Variants in SNTG1 observed in about 807,000 individuals in gnomAD.
SNTG1 encodes the protein syntrophin gamma 1.
A neutral mutation model predicts 74.7 loss-of-function variants in SNTG1; 39 were observed. That is an observed-to-expected ratio of 0.52 (90% CI 0.40 to 0.68). The LOEUF (loss-of-function observed/expected upper bound fraction) is 0.68, where lower values mean the gene tolerates loss of function less well. Among genes scored for constraint, SNTG1 ranks in the 30% least tolerant of loss-of-function variants. The pLI is 0.00. For missense variants in SNTG1, 685 were observed against 609.5 expected (o/e 1.12, Z -1.30); for synonymous variants, 254 against 217.1 (o/e 1.17, Z -1.49).
chr8:50,744,745 T>C (rs1206743472), intron 17 of SNTG1, among the ~76,000 whole-genome samples: 2 of 151,998 alleles, frequency 1.3e-5, no homozygotes, highest in Non-Finnish European at 2.9e-5. Flanking sequence ...ATGAACCTCA[T>C]ATGTATGGTA....
In SNTG1 at chr8:50,077,001, T is replaced by C. The variant is rs542893919; in HGVS notation, c.-102-95560T>C. Reference sequence around the variant, plus strand: ...TTCAATTTCAGTACAATGGATACTATTTTTCAAAGTGCAAAGAAACATCAA... The same window carrying C: ...TTCAATTTCAGTACAATGGATACTACTTTTCAAAGTGCAAAGAAACATCAA... On this transcript the variant is annotated intron_variant, in intron 1 of 18. Coordinates refer to ENST00000642720, the MANE Select transcript of SNTG1 (RefSeq NM_018967.5). Among the ~76,000 whole-genome samples, 14 of 152,314 alleles carry C rather than the reference T, an allele frequency of 9.2e-5. 1 individual carries two copies. The South Asian group carries it at 2.9e-3, about 32-fold the overall frequency.
chr8:50,658,459 C>A, intron 14 of SNTG1, 133 bp from the exon 15 acceptor site: 1 of 551,180 alleles, frequency 1.8e-6, no homozygotes, highest in South Asian at 2.5e-5. Flanking sequence ...CCTTTATGAG[C>A]ATGGCTTCAC....
chr8:50,309,279 G>T (rs2090016374), intron 2 of SNTG1, among the ~76,000 whole-genome samples: 1 of 151,914 alleles, frequency 6.6e-6, no homozygotes, highest in Non-Finnish European at 1.5e-5. Context: ...ATGATAAGAG[G>T]GAAGCCGCGT....
At chr8:50,597,757 A>C (rs958326421) in intron 13 of SNTG1, among the ~76,000 whole-genome samples, 1 of 151,892 alleles carries the variant, frequency 6.6e-6, no homozygotes. Flanking sequence ...AGTCATTTGA[A>C]CTGGTGTGAG....
chr8:50,746,776 ATT>A (rs1275864333), intron 17 of SNTG1, among the ~76,000 whole-genome samples: 1 of 149,500 alleles, frequency 6.7e-6, no homozygotes, highest in Non-Finnish European at 1.5e-5. Flanking sequence ...TTGTCTTAAC[ATT>A]TTTGTAAGTC....
intron 8 of SNTG1, among the ~76,000 whole-genome samples, chr8:50,462,796 C>CTTTTTTTTTTTTTTTTTTTTTTTTT (rs869119447): frequency 7.0e-5 from 4 of 57,474 alleles, no homozygotes; most frequent in African/African-American, 1.2e-4. Context: ...AGGTTCTACT[C>CTTTTTTTTTTTTTTTTTTTTTTTTT]TTTTTTTTTT....
intron 1 of SNTG1, among the ~76,000 whole-genome samples, chr8:50,120,602 T>C (rs1474739698): frequency 7.1e-6 from 1 of 141,322 alleles, no homozygotes; most frequent in Non-Finnish European, 1.6e-5. Context: ...CTACTACTCA[T>C]TATTACTGCC....
chr8:50,193,718 G>A (rs2083662320), intron 2 of SNTG1, among the ~76,000 whole-genome samples: 1 of 152,100 alleles, frequency 6.6e-6, no homozygotes, highest in Non-Finnish European at 1.5e-5. Flanking sequence ...TTGAAGAAGA[G>A]TAGTGAGAGA....
chr8:50,379,831 A>T (rs542614061), intron 2 of SNTG1, among the ~76,000 whole-genome samples: 4 of 152,358 alleles, frequency 2.6e-5, no homozygotes, highest in African/African-American at 9.6e-5. Flanking sequence ...AGCTGGTCAC[A>T]GGGCTGCCCC....
chr8:50,772,000 C>T (rs934836610), intron 18 of SNTG1, among the ~76,000 whole-genome samples: 2 of 152,084 alleles, frequency 1.3e-5, no homozygotes, highest in Admixed American at 1.3e-4. Context: ...CAGGCCCAGG[C>T]AGAGACTTGT....
chr8:50,660,777 AAAT>A (rs1398921464), intron 15 of SNTG1, among the ~76,000 whole-genome samples: 17 of 152,148 alleles, frequency 1.1e-4, no homozygotes, highest in Middle Eastern at 3.4e-3. Context: ...ATTTTAAAGG[AAAT>A]AATAAACATT....
chr8:50,701,267 A>G (rs2095422557), intron 15 of SNTG1, among the ~76,000 whole-genome samples: 1 of 152,210 alleles, frequency 6.6e-6, no homozygotes, highest in South Asian at 2.1e-4. Context: ...AAATATCTGC[A>G]GTATAAAGAG....
intron 1 of SNTG1, among the ~76,000 whole-genome samples, chr8:49,934,832 C>A (rs1038989320): frequency 6.6e-6 from 1 of 151,856 alleles, no homozygotes; most frequent in Non-Finnish European, 1.5e-5. Context: ...CATGAAACTT[C>A]CATCAGCAAA....
At chr8:49,960,502 G>GA (rs1334905428) in intron 1 of SNTG1, among the ~76,000 whole-genome samples, 1 of 151,858 alleles carries the variant, frequency 6.6e-6, no homozygotes, top group Admixed American at 6.6e-5. Context: ...ATCTGATTTT[G>GA]AAAAAAGAAA....
intron 9 of SNTG1, among the ~76,000 whole-genome samples, chr8:50,518,888 G>A (rs2130115965): frequency 6.6e-6 from 1 of 152,270 alleles, no homozygotes; most frequent in South Asian, 2.1e-4. Flanking sequence ...AACAGGAGCT[G>A]GCACCATTCC....
At chr8:50,616,865 A>G (rs546205214) in intron 13 of SNTG1, among the ~76,000 whole-genome samples, 1 of 152,284 alleles carries the variant, frequency 6.6e-6, no homozygotes, top group South Asian at 2.1e-4. Context: ...GTGCTTAACT[A>G]TTCTCTTCCT....
At chr8:50,474,970 C>T (rs1004273380) in intron 8 of SNTG1, among the ~76,000 whole-genome samples, 4 of 150,762 alleles carry the variant, frequency 2.7e-5, no homozygotes, top group Non-Finnish European at 1.5e-5. Context: ...AGCAAACTAT[C>T]GCAAGGACAA....
chr8:50,033,121 T>TG (rs1226630391), intron 1 of SNTG1, among the ~76,000 whole-genome samples: 1 of 149,126 alleles, frequency 6.7e-6, no homozygotes, highest in African/African-American at 2.5e-5. Context: ...TAAAAAGTGT[T>TG]TTTTTTTTTT....
intron 12 of SNTG1, among the ~76,000 whole-genome samples, chr8:50,587,562 C>T (rs373674617): frequency 1.4e-4 from 21 of 152,266 alleles, no homozygotes; most frequent in East Asian, 1.4e-3. Context: ...CAGTGGCTCA[C>T]GCCTGAAATC....
Sources: allele counts gnomAD v4.1 joint callset (sites outside exome capture counted in the v4.1 genomes callset), GRCh38; gene constraint gnomAD v4.1.1; transcripts MANE v1.5; gene names NCBI Gene and HGNC (gene_info 2026-07-23, HGNC 2026-07-21).